DMBT1: variants seen among roughly 807,000 people sequenced by gnomAD.
The protein encoded by DMBT1 is scavenger receptor cysteine-rich domain-containing protein DMBT1.
A neutral mutation model predicts 252.9 loss-of-function variants in DMBT1; 198 were observed. The ratio of observed to expected loss-of-function variants is 0.78; its 90% CI spans 0.70 to 0.88. The LOEUF is 0.88. Among genes scored for constraint, DMBT1 ranks in the 40% least tolerant of loss-of-function variants. The probability of loss-of-function intolerance (pLI) is 0.00; values close to 1 mark genes in which losing one functional copy is unlikely to be tolerated. For missense variants in DMBT1, 2,432 were observed against 2,404.7 expected (o/e 1.01, Z -0.24); for synonymous variants, 990 against 942.7 (o/e 1.05, Z -0.92).
rs2098064444 is a variant in DMBT1 at position 122,621,192 on chromosome 10, G to A, written c.5420G>A (p.Cys1807Tyr). Residue 1807 changes from cysteine (C) to tyrosine (Y), a missense_variant, in exon 44 of 56, where the codon TGC (cysteine) becomes TAC (tyrosine). Cys to Tyr is a radical substitution (Grantham distance 194). This residue lies in a region of DMBT1 where 1,162 missense variants were observed against 1,169.0 expected (regional missense o/e 0.99). Coordinates refer to ENST00000338354, the MANE Select transcript of DMBT1 (RefSeq NM_001377530.1). Reference sequence around the variant, plus strand: ...GACACCAATGATGCCAATGTGGTCTGCAGGCAGCTGGGCTGTGGCTGGGCC... The same window carrying A: ...GACACCAATGATGCCAATGTGGTCTACAGGCAGCTGGGCTGTGGCTGGGCC... ...SWDTNDANVV[C>Y]RQLGCGWAMS... is the part of the protein sequence containing the mutation. 1 of 1,613,804 alleles carries A rather than the reference G, an allele frequency of 6.2e-7. No homozygotes were observed. Among genetic ancestry groups the A allele is most frequent in the Admixed American group, 1.7e-5 (1 of 60,010 alleles).
intron 24 of DMBT1, among the ~76,000 whole-genome samples, chr10:122,597,456 G>C (rs960035797): frequency 6.6e-6 from 1 of 152,186 alleles, no homozygotes; most frequent in Non-Finnish European, 1.5e-5. Flanking sequence ...CCACAGGCAA[G>C]CAATGTCAGT....
intron 41 of DMBT1, among the ~76,000 whole-genome samples, chr10:122,618,737 T>C (rs780898345): frequency 6.6e-6 from 1 of 152,218 alleles, no homozygotes. Flanking sequence ...CTAAAGATGC[T>C]TGTCTGGAAG....
intron 54 of DMBT1, among the ~76,000 whole-genome samples, chr10:122,637,730 A>C (rs918252503): frequency 1.6e-4 from 25 of 152,194 alleles, no homozygotes; most frequent in African/African-American, 4.8e-4. Flanking sequence ...CTTTGCAAAA[A>C]CGTATGGCTG....
chr10:122,564,630 G>A (rs1023406401), intron 1 of DMBT1, among the ~76,000 whole-genome samples: 1 of 89,966 alleles, frequency 1.1e-5, no homozygotes, highest in Non-Finnish European at 2.5e-5. Context: ...ACCATCACAT[G>A]TATTTTTTTT....
intron 42 of DMBT1, 108 bp from the exon 43 acceptor site, chr10:122,620,145 A>T: frequency 8.3e-7 from 1 of 1,198,032 alleles, no homozygotes; most frequent in Non-Finnish European, 1.2e-6. Flanking sequence ...AGTGGCAGGA[A>T]CCAGAAATTG....
chr10:122,560,913 C>T (rs982153497), intron 1 of DMBT1, 82 bp downstream of exon 1: 22 of 1,102,308 alleles, frequency 2.0e-5, no homozygotes, highest in Non-Finnish European at 2.5e-5. Context: ...CTTTCCATTA[C>T]AAGGGAAGTT....
intron 46 of DMBT1, among the ~76,000 whole-genome samples, 173 bp downstream of exon 46, chr10:122,626,138 T>G (rs1207461227): frequency 6.6e-6 from 1 of 152,236 alleles, no homozygotes; most frequent in Non-Finnish European, 1.5e-5. Context: ...ATAAGTATTC[T>G]TAAAATAATA....
chr10:122,640,569 A>G, intron 55 of DMBT1, 120 bp downstream of exon 55: 1 of 1,096,670 alleles, frequency 9.1e-7, no homozygotes, highest in Admixed American at 2.8e-5. Context: ...CTTCCAGCTT[A>G]ACTGGATCCC....
chr10:122,628,144 A>G (rs1036248299), intron 46 of DMBT1, among the ~76,000 whole-genome samples: 2 of 152,248 alleles, frequency 1.3e-5, no homozygotes, highest in Middle Eastern at 3.2e-3. Context: ...GAGTCACCAT[A>G]TGACCCAGCA....
chr10:122,575,585 T>C (rs968364178), intron 6 of DMBT1, among the ~76,000 whole-genome samples: 2 of 152,184 alleles, frequency 1.3e-5, no homozygotes, highest in Non-Finnish European at 2.9e-5. Context: ...AGACTACCAC[T>C]ACAAATACTG....
chr10:122,586,809 T>G lies in DMBT1; in HGVS notation c.1783+426T>G, dbSNP rs1034231954. Among the ~76,000 whole-genome samples, 10 of 148,278 alleles carry G rather than the reference T, an allele frequency of 6.7e-5. 1 individual carries two copies. The highest frequency in any genetic ancestry group is 1.4e-4 in the Non-Finnish European group (9 of 66,654). ...GCTGAGGACCTCAGGCTGCTTGTAC[T>G]CCTGGCAGAGGGGATGGGGAGCTGG... On this transcript the variant is annotated intron_variant, in intron 16 of 55. Transcript: ENST00000338354.
At position 122,579,568 on chromosome 10, in the gene DMBT1, T is replaced by TC. The variant is rs751557400; in HGVS notation, c.680-6dup. The TC allele has an allele frequency of 6.2e-7, 1 of 1,612,150 alleles. No homozygotes were observed. The highest frequency in any genetic ancestry group is 1.3e-5 in the African/African-American group (1 of 74,890). ...AGGGATGGATGAAGGGTTCTTGTGTTCCCCTGTAGGATCTGAATCCAGTTT... is the reference window on the plus strand; with the variant it reads ...AGGGATGGATGAAGGGTTCTTGTGTTCCCCCTGTAGGATCTGAATCCAGTTT... On this transcript the variant is annotated splice_polypyrimidine_tract_variant and intron_variant, in intron 9 of 55. Transcript: ENST00000338354.
In DMBT1 at chr10:122,592,282, C is replaced by T. The variant is rs775577814; in HGVS notation, c.2187C>T (p.Ser729=). 1.7e-5 allele frequency: 27 copies of T among 1,587,018 alleles called. 1 individual carries two copies. The highest frequency in any genetic ancestry group is 2.2e-5 in the Non-Finnish European group (26 of 1,165,538). ...TLPPSTVGSE[S]SLTLRLVNGS... ...TGTGTTCCCCTGTAGGATCTGAATC[C>T]AGTTTGACCCTGAGGCTGGTGAATG... Residue 729 remains serine, a synonymous_variant, in exon 20 of 56, where the codon TCC becomes TCT. Transcript: ENST00000338354.
chr10:122,574,962 C>A (rs2097698983), intron 6 of DMBT1, among the ~76,000 whole-genome samples: 2 of 152,166 alleles, frequency 1.3e-5, no homozygotes, highest in South Asian at 2.1e-4. Flanking sequence ...AAGCTGAGTG[C>A]TGTGGCTGCA....
chr10:122,618,250 G>A lies in DMBT1; in HGVS notation c.5125G>A (p.Gly1709Arg), dbSNP rs140113910. 1.5e-3 allele frequency: 2,462 copies of A among 1,613,788 alleles called. 4 individuals carry two copies. Among genetic ancestry groups the A allele is most frequent in the Non-Finnish European group, 1.9e-3 (2,230 of 1,179,764 alleles). Residue 1709 changes from glycine to arginine, a missense_variant, in exon 41 of 56, where the codon GGA becomes AGA. By Grantham distance (125) the Gly-to-Arg change is moderately radical. Around this residue, in one of 3 missense-constraint regions of DMBT1, gnomAD observed 1,162 missense variants for 1,169.0 expected, o/e 0.99. Transcript: ENST00000338354. ...PIVLDDVRCSGHESYLWSCPH... is the reference protein window; with the variant it reads ...PIVLDDVRCSRHESYLWSCPH... ...TGTCCTGGATGATGTGCGCTGCTCA[G>A]GACACGAGTCTTACCTGTGGAGCTG...
intron 27 of DMBT1, among the ~76,000 whole-genome samples, chr10:122,600,301 C>A (rs984446346): frequency 6.6e-6 from 1 of 151,568 alleles, no homozygotes; most frequent in Non-Finnish European, 1.5e-5. Context: ...CTTTTCAACC[C>A]CTCTCAGCTT....
intron 15 of DMBT1, 23 bp from the exon 16 acceptor site, chr10:122,586,037 A>G (rs1565686057): frequency 6.3e-7 from 1 of 1,587,854 alleles, no homozygotes; most frequent in Admixed American, 1.7e-5. Context: ...GGATGGATGA[A>G]GGGTTCTTGT....
chr10:122,617,665 C>A (rs2098008102), intron 40 of DMBT1, among the ~76,000 whole-genome samples: 1 of 151,632 alleles, frequency 6.6e-6, no homozygotes, highest in Non-Finnish European at 1.5e-5. Context: ...CAGAGAGGAC[C>A]ATGTGGATGC....
In DMBT1 at chr10:122,643,533, T is replaced by A; in HGVS notation, c.*135T>A. On this transcript the variant is annotated 3_prime_UTR_variant, in exon 56 of 56. Coordinates refer to ENST00000338354, the MANE Select transcript of DMBT1 (RefSeq NM_001377530.1). ...CTGCACCTGGTCATACGGAGTTGAA[T>A]CAGACCTGGTTCCCGCCTCCCCCAA... 3 of 1,274,900 alleles carry A rather than the reference T, an allele frequency of 2.4e-6. No individual in the cohort carries two copies. The African/African-American group carries it at 4.5e-5, about 19-fold the overall frequency. 79.0% of individuals were successfully genotyped at this position (1,274,900 alleles called of 1,614,324 possible). A position where few individuals can be genotyped will look rare whatever the true frequency, so the allele number is the denominator to read the frequency against.
Sources: gnomAD v4.1 joint callset for allele counts (sites outside exome capture counted in the v4.1 genomes callset) on GRCh38, gnomAD v4.1.1 for gene constraint, gnomAD v4.1.1 regional missense constraint, MANE v1.5 for transcripts, NCBI Gene and HGNC (gene_info 2026-07-23, HGNC 2026-07-21) for gene names.